Variants in ANGPT1 observed in about 807,000 individuals in gnomAD.
ANGPT1 encodes angiopoietin 1.
In ANGPT1, 17 loss-of-function variants were observed where a neutral mutation model predicts 62.2. The observed-to-expected ratio is 0.27, with a 90% CI of 0.19 to 0.41. The LOEUF (loss-of-function observed/expected upper bound fraction) is 0.41, where lower values mean the gene tolerates loss of function less well. ANGPT1 is among the 10% of genes least tolerant of loss of function. ANGPT1 has a pLI of 1.00. For missense variants in ANGPT1, 478 were observed against 594.9 expected (o/e 0.80, Z 2.04); for synonymous variants, 199 against 198.9 (o/e 1.00, Z 0.00).
intron 1 of ANGPT1, among the ~76,000 whole-genome samples, chr8:107,450,679 T>C (rs1586332611): frequency 6.7e-6 from 1 of 149,802 alleles, no homozygotes; most frequent in Non-Finnish European, 1.5e-5. Flanking sequence ...TTCAAGGGTA[T>C]TGCCAAGAAC....
intron 6 of ANGPT1, among the ~76,000 whole-genome samples, chr8:107,290,459 T>C (rs1252308596): frequency 2.0e-5 from 3 of 152,150 alleles, no homozygotes; most frequent in Non-Finnish European, 4.4e-5. Context: ...GTTCTTTGGA[T>C]GCAGGAAATA....
intron 1 of ANGPT1, among the ~76,000 whole-genome samples, chr8:107,373,520 G>A (rs1654712): frequency 0.75 from 113,339 of 152,086 alleles, 43,094 homozygotes; most frequent in East Asian, 0.87. Flanking sequence ...AATGAGAGGT[G>A]GATTGAAGGA....
At chr8:107,396,517 C>CT (rs10686360) in intron 1 of ANGPT1, among the ~76,000 whole-genome samples, 23,159 of 84,964 alleles carry the variant, frequency 0.27, 3,758 homozygotes, top group South Asian at 0.32. Flanking sequence ...TCTTTTCTCT[C>CT]TTTTTTTTTT....
intron 1 of ANGPT1, among the ~76,000 whole-genome samples, chr8:107,489,621 T>A (rs2130538296): frequency 6.6e-6 from 1 of 152,292 alleles, no homozygotes; most frequent in African/African-American, 2.4e-5. Context: ...TATTTCGAAT[T>A]AGATAACAGT....
chr8:107,367,438 G>A (rs1301666187), intron 1 of ANGPT1, among the ~76,000 whole-genome samples: 1 of 152,140 alleles, frequency 6.6e-6, no homozygotes, highest in African/African-American at 2.4e-5. Context: ...AGGGTGGGGT[G>A]ATGATTGCTA....
intron 8 of ANGPT1, among the ~76,000 whole-genome samples, chr8:107,260,366 T>G (rs1274078053): frequency 6.6e-6 from 1 of 152,068 alleles, no homozygotes; most frequent in Non-Finnish European, 1.5e-5. Context: ...AAACAAAGCT[T>G]TAATTGATGA....
intron 1 of ANGPT1, among the ~76,000 whole-genome samples, chr8:107,371,573 CTTTTTTTTTTT>C (rs5893851): frequency 3.9e-5 from 4 of 102,128 alleles, no homozygotes; most frequent in African/African-American, 1.5e-4. Flanking sequence ...GCTGAGCATT[CTTTTTTTTTTT>C]TTTTTTTTTT....
At chr8:107,264,975 T>C (rs1017505772) in intron 7 of ANGPT1, among the ~76,000 whole-genome samples, 6 of 152,176 alleles carry the variant, frequency 3.9e-5, no homozygotes, top group African/African-American at 1.4e-4. Context: ...ACAAACTACA[T>C]ACCAGTTATT....
At chr8:107,265,706 A>G (rs918499913) in intron 7 of ANGPT1, among the ~76,000 whole-genome samples, 1 of 152,136 alleles carries the variant, frequency 6.6e-6, no homozygotes, top group African/African-American at 2.4e-5. Flanking sequence ...CACCCACAGT[A>G]TAGTTAATGG....
rs548820924 is a variant in ANGPT1, at chr8:107,255,656, G to C, written c.1337-3641C>G. On this transcript the variant is annotated intron_variant, in intron 8 of 8. Coordinates refer to ENST00000517746, the MANE Select transcript of ANGPT1 (RefSeq NM_001146.5). ...GTGATGTGGCAAGTACCATAATAAAGATACTAATGCTCACAGAGTTTAAGG... is the reference window on the plus strand; with the variant it reads ...GTGATGTGGCAAGTACCATAATAAACATACTAATGCTCACAGAGTTTAAGG... Among the ~76,000 whole-genome samples the C allele has an allele frequency of 2.0e-5, 3 of 152,224 alleles. No individual in the cohort carries two copies. In the South Asian group the frequency reaches 6.2e-4, roughly 32 times the overall value.
chr8:107,340,797 A>C (rs1252334249), intron 2 of ANGPT1, among the ~76,000 whole-genome samples: 2 of 151,950 alleles, frequency 1.3e-5, no homozygotes, highest in East Asian at 3.9e-4. Flanking sequence ...CCTGGCCAAA[A>C]ATCTCTTTCA....
chr8:107,486,518 T>C (rs941545104), intron 1 of ANGPT1, among the ~76,000 whole-genome samples: 1 of 152,188 alleles, frequency 6.6e-6, no homozygotes, highest in African/African-American at 2.4e-5. Flanking sequence ...TAACTAACAC[T>C]GTACCCAGAA....
At chr8:107,352,789 TACTC>T (rs1815960841) in intron 1 of ANGPT1, among the ~76,000 whole-genome samples, 1 of 152,172 alleles carries the variant, frequency 6.6e-6, no homozygotes, top group Non-Finnish European at 1.5e-5. Flanking sequence ...CATATGGCAT[TACTC>T]AGTTATGACA....
rs1216713246 is a variant in ANGPT1 at position 107,427,960 on chromosome 8, G to A, written c.297+69302C>T. Among the ~76,000 whole-genome samples the A allele has an allele frequency of 6.6e-5, 10 of 152,268 alleles. No homozygotes were observed. The East Asian group carries it at 7.7e-4, about 12-fold the overall frequency. The stretch of plus-strand genomic sequence containing the variant: ...TGGGAAGGCTAGGCTCCCTGAAGGC[G>A]TCCACCTGGTGAGTAGATCAAGGCA... On this transcript the variant is annotated intron_variant, in intron 1 of 8. Coordinates refer to ENST00000517746, the MANE Select transcript of ANGPT1 (RefSeq NM_001146.5).
chr8:107,419,037 A>G (rs887340175), intron 1 of ANGPT1, among the ~76,000 whole-genome samples: 2 of 152,208 alleles, frequency 1.3e-5, no homozygotes, highest in Non-Finnish European at 2.9e-5. Flanking sequence ...TGATATGTGT[A>G]CATGTATCAA....
chr8:107,411,786 T>C (rs959531851), intron 1 of ANGPT1, among the ~76,000 whole-genome samples: 1 of 152,156 alleles, frequency 6.6e-6, no homozygotes, highest in African/African-American at 2.4e-5. Flanking sequence ...GCTTCAAAAA[T>C]ATTTGATCCA....
intron 1 of ANGPT1, 137 bp from the exon 2 acceptor site, chr8:107,347,234 T>C (rs746372428): frequency 3.8e-6 from 3 of 795,576 alleles, no homozygotes; most frequent in African/African-American, 1.7e-5. Flanking sequence ...TCTCTGGGAG[T>C]TGGAGAAATG....
At chr8:107,346,898 A>T (rs1382487831) in intron 2 of ANGPT1, 44 bp downstream of exon 2, 2 of 1,537,256 alleles carry the variant, frequency 1.3e-6, no homozygotes, top group Non-Finnish European at 1.8e-6. Flanking sequence ...AGAAAAAAAA[A>T]ATTTTTCCTT....
At chr8:107,336,674 A>C (rs1815575647) in intron 2 of ANGPT1, among the ~76,000 whole-genome samples, 1 of 151,500 alleles carries the variant, frequency 6.6e-6, no homozygotes, top group Non-Finnish European at 1.5e-5. Flanking sequence ...CAAAAAAAAA[A>C]AAAAAAAAAA....
Sources: allele counts gnomAD v4.1 joint callset (sites outside exome capture counted in the v4.1 genomes callset), GRCh38; gene constraint gnomAD v4.1.1; transcripts MANE v1.5; gene names NCBI Gene and HGNC (gene_info 2026-07-23, HGNC 2026-07-21).